DMC1: variants seen among roughly 807,000 people sequenced by gnomAD.
DMC1 encodes DNA meiotic recombinase 1.
In DMC1, 27 loss-of-function variants were observed where a neutral mutation model predicts 50.1. The ratio of observed to expected loss-of-function variants is 0.54; its 90% CI spans 0.40 to 0.74. The LOEUF (loss-of-function observed/expected upper bound fraction) is 0.74. Ranked by LOEUF, DMC1 falls within the 30% of genes least tolerant of loss-of-function variation. DMC1 has a pLI of 0.00. For missense variants in DMC1, 295 were observed against 420.2 expected (o/e 0.70, Z 2.60); for synonymous variants, 148 against 136.1 (o/e 1.09, Z -0.61).
At chr22:38,547,701 G>A (rs1179620632) in intron 8 of DMC1, among the ~76,000 whole-genome samples, 1 of 152,018 alleles carries the variant, frequency 6.6e-6, no homozygotes, top group East Asian at 1.9e-4. Context: ...CGCCACGCCC[G>A]GCTAATTTTG....
intron 12 of DMC1, among the ~76,000 whole-genome samples, chr22:38,526,745 C>G (rs2090096098): frequency 6.6e-6 from 1 of 151,876 alleles, no homozygotes; most frequent in Non-Finnish European, 1.5e-5. Context: ...AATTTTTTTT[C>G]CCTTTGCTTG....
downstream of DMC1, chr22:38,518,912 A>G (rs1032035816): frequency 2.0e-5 from 3 of 152,476 alleles, no homozygotes; most frequent in African/African-American, 7.2e-5. Context: ...GTATATTGTC[A>G]TTAGTATATT....
intron 5 of DMC1, among the ~76,000 whole-genome samples, chr22:38,556,948 T>C (rs1482228447): frequency 1.3e-5 from 2 of 152,176 alleles, no homozygotes; most frequent in African/African-American, 4.8e-5. Flanking sequence ...ACAACTTAAA[T>C]CTAAAGGACA....
At chr22:38,552,160 C>G (rs2090420563) in intron 7 of DMC1, among the ~76,000 whole-genome samples, 1 of 152,132 alleles carries the variant, frequency 6.6e-6, no homozygotes, top group Non-Finnish European at 1.5e-5. Flanking sequence ...CGGGCCCGGC[C>G]AGAACTCCTT....
At chr22:38,553,956 C>CAAAAAAAA (rs35690372) in intron 6 of DMC1, among the ~76,000 whole-genome samples, 1 of 34,748 alleles carries the variant, frequency 2.9e-5, no homozygotes, top group Non-Finnish European at 5.6e-5. Context: ...ACTCCATCTC[C>CAAAAAAAA]AAAAAAAAAA....
chr22:38,553,626 C>A (rs2090437903), intron 6 of DMC1, among the ~76,000 whole-genome samples: 1 of 151,740 alleles, frequency 6.6e-6, no homozygotes, highest in Admixed American at 6.6e-5. Context: ...GAGTTCGAGA[C>A]CAGCCTGGCA....
At chr22:38,529,615 C>G (rs942930688) in intron 12 of DMC1, among the ~76,000 whole-genome samples, 1 of 152,044 alleles carries the variant, frequency 6.6e-6, no homozygotes, top group Non-Finnish European at 1.5e-5. Context: ...GGTCATGAAA[C>G]ATATATAGAG....
intron 13 of DMC1, among the ~76,000 whole-genome samples, 173 bp downstream of exon 13, chr22:38,521,435 G>A (rs2090022822): frequency 6.6e-6 from 1 of 151,732 alleles, no homozygotes; most frequent in Non-Finnish European, 1.5e-5. Context: ...GCCTTGTGGT[G>A]GCTCACACCT....
intron 8 of DMC1, among the ~76,000 whole-genome samples, chr22:38,545,335 C>G (rs2090331786): frequency 6.6e-6 from 1 of 152,168 alleles, no homozygotes; most frequent in Admixed American, 6.5e-5. Context: ...CACTTGAGTC[C>G]TGGATGTTGA....
intron 1 of DMC1, among the ~76,000 whole-genome samples, chr22:38,569,790 G>C (rs1432819805): frequency 6.6e-6 from 1 of 152,200 alleles, no homozygotes; most frequent in Non-Finnish European, 1.5e-5. Context: ...CCCTGCGGCC[G>C]CCGGACATTT....
chr22:38,546,699 T>C (rs1172641487), intron 8 of DMC1, among the ~76,000 whole-genome samples: 1 of 152,158 alleles, frequency 6.6e-6, no homozygotes, highest in Non-Finnish European at 1.5e-5. Flanking sequence ...ATTTTCTAAA[T>C]TGAGTAATTA....
Position 38,566,733 on chromosome 22 carries a change from C to T in DMC1, c.100G>A (p.Val34Met), listed in dbSNP as rs779819403. ...GATTTCAGTTTCTTAATGTCAGCCA[C>T]GTTCTGTAAATTAAAGAATGGGCAC... ...IDLLQKHGIN[V>M]ADIKKLKSVG... Residue 34 changes from valine (V) to methionine (M), a missense_variant, in exon 4 of 14, where the codon GTG (valine) becomes ATG (methionine). Coordinates refer to ENST00000216024, the MANE Select transcript of DMC1 (RefSeq NM_007068.4). 12 of 1,613,732 alleles carry T rather than the reference C, an allele frequency of 7.4e-6. No homozygotes were observed. Among genetic ancestry groups the T allele is most frequent in the East Asian group, 4.5e-5 (2 of 44,898 alleles).
chr22:38,533,201 G>A (rs912839507), intron 12 of DMC1, among the ~76,000 whole-genome samples: 10 of 151,734 alleles, frequency 6.6e-5, no homozygotes. Flanking sequence ...GACCATCCTG[G>A]CTAACACGGT....
chr22:38,560,490 C>A (rs539963309), intron 5 of DMC1, among the ~76,000 whole-genome samples: 2 of 151,300 alleles, frequency 1.3e-5, no homozygotes, highest in Admixed American at 6.6e-5. Context: ...AGTGACCATT[C>A]TGGCTCTTTA....
the DMC1 span, among the ~76,000 whole-genome samples, chr22:38,513,703 G>A: frequency 6.6e-6 from 1 of 152,142 alleles, no homozygotes; most frequent in Non-Finnish European, 1.5e-5. Flanking sequence ...TCAGCCTCCT[G>A]AGTAGCTGGG....
chr22:38,538,162 A>T, intron 11 of DMC1, 133 bp downstream of exon 11: 1 of 744,376 alleles, frequency 1.3e-6, no homozygotes. Flanking sequence ...AAAAAAAAAC[A>T]AAGAGTTGTA....
At chr22:38,552,030 T>G (rs2090418548) in intron 7 of DMC1, among the ~76,000 whole-genome samples, 1 of 151,914 alleles carries the variant, frequency 6.6e-6, no homozygotes, top group East Asian at 1.9e-4. Context: ...CCGGCTAATT[T>G]TTTTGTATTT....
intron 4 of DMC1, among the ~76,000 whole-genome samples, chr22:38,563,532 C>G (rs759274423): frequency 9.5e-4 from 144 of 152,160 alleles, no homozygotes; most frequent in South Asian, 1.5e-3. Flanking sequence ...CTCTGTCTCT[C>G]TCTCTCTCTC....
At position 38,538,632 on chromosome 22, in the gene DMC1, G is replaced by GA. The variant is rs2090245408; in HGVS notation, c.587-21dup. On this transcript the variant is annotated intron_variant, in intron 9 of 13. Coordinates refer to ENST00000216024, the MANE Select transcript of DMC1 (RefSeq NM_007068.4). Reference sequence around the variant, plus strand: ...GTTCACCTGATGGGAAATGCAGTGAGAAAATGTTATAAAAGTTGAAAGAAG... The same window carrying GA: ...GTTCACCTGATGGGAAATGCAGTGAGAAAAATGTTATAAAAGTTGAAAGAAG... 1 of 1,604,716 alleles carries GA rather than the reference G, an allele frequency of 6.2e-7. No individual in the cohort carries two copies. Among genetic ancestry groups the GA allele is most frequent in the African/African-American group, 1.3e-5 (1 of 74,806 alleles).
Sources: allele counts gnomAD v4.1 joint callset (sites outside exome capture counted in the v4.1 genomes callset), GRCh38; gene constraint gnomAD v4.1.1; transcripts MANE v1.5; gene names NCBI Gene and HGNC (gene_info 2026-07-23, HGNC 2026-07-21).